Variants in CHIC1 observed in about 807,000 individuals in gnomAD.
CHIC1 encodes the protein cysteine-rich hydrophobic domain-containing protein 1.
Under a neutral mutation model 18.5 loss-of-function variants are expected in CHIC1, and 7 were observed. The ratio of observed to expected loss-of-function variants is 0.38; its 90% CI spans 0.22 to 0.71. CHIC1 has a LOEUF of 0.71. Ranked by LOEUF, CHIC1 falls within the 30% of genes least tolerant of loss-of-function variation. The probability of loss-of-function intolerance (pLI) is 0.49; values close to 1 mark genes in which losing one functional copy is unlikely to be tolerated. For missense variants in CHIC1, 159 were observed against 176.9 expected (o/e 0.90, Z 0.57); for synonymous variants, 77 against 73.5 (o/e 1.05, Z -0.25).
At chrX:73,663,252 T>G (rs1320023431) in intron 3 of CHIC1, among the ~76,000 whole-genome samples, 1 of 111,173 alleles carries the variant, frequency 9.0e-6, no homozygotes, top group Non-Finnish European at 1.9e-5. Context: ...GCTTTTTGAT[T>G]GTTCTATGTG....
At chrX:73,603,036 C>G (rs898863268) in intron 3 of CHIC1, among the ~76,000 whole-genome samples, 3 of 108,620 alleles carry the variant, frequency 2.8e-5, no homozygotes, top group African/African-American at 7.1e-5. Flanking sequence ...GTAGTTTTTT[C>G]TACTTCTGTG....
chrX:73,606,045 G>C (rs1191364398), intron 3 of CHIC1, among the ~76,000 whole-genome samples: 14 of 108,067 alleles, frequency 1.3e-4, no homozygotes, highest in Non-Finnish European at 2.6e-4. Context: ...GTCTTGTCTT[G>C]CTAGGTTGGG....
intron 3 of CHIC1, among the ~76,000 whole-genome samples, chrX:73,609,238 G>T (rs1173307184): frequency 9.4e-6 from 1 of 106,278 alleles, no homozygotes; most frequent in African/African-American, 3.7e-5. Context: ...GTGCTAAATT[G>T]AATAGAAGCG....
chrX:73,607,420 C>T (rs1205979391), intron 3 of CHIC1, among the ~76,000 whole-genome samples: 1 of 108,303 alleles, frequency 9.2e-6, no homozygotes, highest in Non-Finnish European at 1.9e-5. Context: ...TCCTGGGCTC[C>T]TTGGGGGTGG....
chrX:73,591,048 C>T (rs1473435776), intron 3 of CHIC1, among the ~76,000 whole-genome samples: 1 of 111,438 alleles, frequency 9.0e-6, no homozygotes, highest in Non-Finnish European at 1.9e-5. Flanking sequence ...TTTGTATTCC[C>T]ACCAGCAATG....
At chrX:73,572,044 T>C (rs768669065) in intron 1 of CHIC1, among the ~76,000 whole-genome samples, 2 of 110,725 alleles carry the variant, frequency 1.8e-5, no homozygotes, top group African/African-American at 6.5e-5. Flanking sequence ...TGGGGTACAA[T>C]TGAACCCATC....
intron 3 of CHIC1, 74 bp downstream of exon 3, chrX:73,584,646 CTT>C (rs1036966461): frequency 6.7e-6 from 5 of 745,148 alleles, no homozygotes; most frequent in African/African-American, 4.3e-5. Context: ...GCTATGAACT[CTT>C]TTCAAGTACT....
At chrX:73,568,098 C>T (rs746385430) in intron 1 of CHIC1, among the ~76,000 whole-genome samples, 1 of 111,581 alleles carries the variant, frequency 9.0e-6, no homozygotes, top group Non-Finnish European at 1.9e-5. Flanking sequence ...AGGCCCTCAA[C>T]AAATACGTAG....
At chrX:73,660,376 G>C (rs2057973749) in intron 3 of CHIC1, among the ~76,000 whole-genome samples, 1 of 112,089 alleles carries the variant, frequency 8.9e-6, no homozygotes, top group South Asian at 3.7e-4. Flanking sequence ...ATTATTAGAG[G>C]CTGGAAAGGG....
chrX:73,644,921 G>A (rs1002231522), intron 3 of CHIC1, among the ~76,000 whole-genome samples: 3 of 112,281 alleles, frequency 2.7e-5, no homozygotes, highest in South Asian at 3.7e-4. Flanking sequence ...TTGCACTTCC[G>A]GAGTGAGGCA....
chrX:73,665,569 G>C (rs773731056), intron 3 of CHIC1, among the ~76,000 whole-genome samples: 3 of 111,315 alleles, frequency 2.7e-5, no homozygotes, highest in South Asian at 3.8e-4. Context: ...GTTGTCCCAT[G>C]ATGAAACCCT....
At chrX:73,652,389 A>C (rs2057921409) in intron 3 of CHIC1, among the ~76,000 whole-genome samples, 1 of 112,446 alleles carries the variant, frequency 8.9e-6, no homozygotes, top group Admixed American at 9.4e-5. Context: ...GACAAATGGG[A>C]TCTAATGAAA....
At chrX:73,606,539 G>C (rs1428425068) in intron 3 of CHIC1, among the ~76,000 whole-genome samples, 1 of 107,642 alleles carries the variant, frequency 9.3e-6, no homozygotes, top group African/African-American at 3.6e-5. Context: ...GTGAGGAGTT[G>C]TGATCTTTTG....
chrX:73,630,056 G>T (rs1024536310), intron 3 of CHIC1, among the ~76,000 whole-genome samples: 1 of 111,191 alleles, frequency 9.0e-6, no homozygotes, highest in Non-Finnish European at 1.9e-5. Context: ...TCCTCTTTTG[G>T]ATAGTTTATA....
chrX:73,566,711 G>A (rs2057446642), intron 1 of CHIC1, among the ~76,000 whole-genome samples: 2 of 111,252 alleles, frequency 1.8e-5, no homozygotes, highest in African/African-American at 6.5e-5. Flanking sequence ...AACCACAGAG[G>A]AGCTATCCTT....
chrX:73,643,130 T>C (rs2057867360), intron 3 of CHIC1, among the ~76,000 whole-genome samples: 1 of 111,709 alleles, frequency 9.0e-6, no homozygotes, highest in Non-Finnish European at 1.9e-5. Context: ...CTTATGAAGC[T>C]TAGTTTGGCT....
At chrX:73,674,620 C>T (rs1368429259) in intron 3 of CHIC1, among the ~76,000 whole-genome samples, 2 of 111,700 alleles carry the variant, frequency 1.8e-5, no homozygotes, top group Admixed American at 1.9e-4. Context: ...TGATTCTTCT[C>T]TCTTTTCTTT....
At chrX:73,576,352 T>C (rs2057499204) in intron 1 of CHIC1, among the ~76,000 whole-genome samples, 1 of 110,916 alleles carries the variant, frequency 9.0e-6, no homozygotes, top group Admixed American at 9.5e-5. Flanking sequence ...AGTTTGTTTA[T>C]ACCAGCATCA....
intron 3 of CHIC1, among the ~76,000 whole-genome samples, chrX:73,644,641 G>T (rs923653565): frequency 3.6e-5 from 4 of 112,376 alleles, no homozygotes; most frequent in Non-Finnish European, 5.6e-5. Context: ...AGACTGCTGG[G>T]CTAGCAATGA....
Sources: allele counts gnomAD v4.1 joint callset (sites outside exome capture counted in the v4.1 genomes callset), GRCh38; gene constraint gnomAD v4.1.1; transcripts MANE v1.5; gene names NCBI Gene and HGNC (gene_info 2026-07-23, HGNC 2026-07-21).